Variants in ZBTB8B observed in about 807,000 individuals in gnomAD.
ZBTB8B encodes zinc finger and BTB domain containing 8B.
ZBTB8B carries 17 observed loss-of-function variants against 30.3 expected under a neutral mutation model. The ratio of observed to expected loss-of-function variants is 0.56; its 90% CI spans 0.38 to 0.84. The LOEUF (loss-of-function observed/expected upper bound fraction) is 0.84. ZBTB8B is among the 40% of genes least tolerant of loss of function. The probability of loss-of-function intolerance (pLI) is 0.00; values close to 1 mark genes in which losing one functional copy is unlikely to be tolerated. For missense variants in ZBTB8B, 515 were observed against 644.9 expected (o/e 0.80, Z 2.18); for synonymous variants, 248 against 255.6 (o/e 0.97, Z 0.28).
rs59559091 is a variant in ZBTB8B, at chr1:32,483,244, C to CAAAAAAAAAAA, written c.1171-1836_1171-1826dup. Reference sequence around the variant, plus strand: ...CGAAACCCCTTATCTACTAAAAATCCAAAAAAAAAAAAAAAAAAAAAAAAA... The same window carrying CAAAAAAAAAAA: ...CGAAACCCCTTATCTACTAAAAATCCAAAAAAAAAAAAAAAAAAAAAAAAAAAAAAAAAAAA... On this transcript the variant is annotated intron_variant, in intron 3 of 3. Transcript: ENST00000609129. 1.7e-3 allele frequency among the ~76,000 whole-genome samples: 96 copies of CAAAAAAAAAAA among 56,336 alleles called. 12 individuals are homozygous for CAAAAAAAAAAA. Among genetic ancestry groups the CAAAAAAAAAAA allele is most frequent in the East Asian group, 5.0e-3 (7 of 1,394 alleles). The allele number at this position is 56,336 out of a possible 152,430, so 37.0% of individuals were successfully genotyped here.
At position 32,495,718 on chromosome 1, in the gene ZBTB8B, C is replaced by A. The variant is rs1643812744; in HGVS notation, c.*10300C>A. 6.6e-6 allele frequency: 1 copy of A among 151,964 alleles called. No individual in the cohort carries two copies. The highest frequency in any genetic ancestry group is 1.5e-5 in the Non-Finnish European group (1 of 68,002). 9.4% of individuals were successfully genotyped at this position (151,964 alleles called of 1,614,324 possible). On this transcript the variant is annotated 3_prime_UTR_variant, in exon 4 of 4. Transcript: ENST00000609129. ...AAGGTTAAAATAGTTAAAACAGTTT[C>A]TTTAGAATGAGTTGTTAGCTGGGTG...
chr1:32,487,207 G>C lies in ZBTB8B; in HGVS notation c.*1789G>C, dbSNP rs1224158913. On this transcript the variant is annotated 3_prime_UTR_variant, in exon 4 of 4. Transcript: ENST00000609129. ...CTTGTAAATGTTAGCCAAAGCATTAGACAGGTGTTTAAGTCGTACTTCTCA... is the reference window on the plus strand; with the variant it reads ...CTTGTAAATGTTAGCCAAAGCATTACACAGGTGTTTAAGTCGTACTTCTCA... 6.6e-6 allele frequency: 1 copy of C among 152,146 alleles called. No homozygotes were observed. Among genetic ancestry groups the C allele is most frequent in the African/African-American group, 2.4e-5 (1 of 41,436 alleles). 9.4% of individuals were successfully genotyped at this position (152,146 alleles called of 1,614,324 possible). A position where few individuals can be genotyped will look rare whatever the true frequency, so the allele number is the denominator to read the frequency against.
Position 32,471,414 on chromosome 1 carries a change from AGC to A in ZBTB8B, c.792_793del (p.Ser264ArgfsTer5). 6.4e-7 allele frequency: 1 copy of A among 1,551,858 alleles called. No homozygotes were observed. The highest frequency in any genetic ancestry group is 8.7e-7 in the Non-Finnish European group (1 of 1,147,032). ...GGCCCACGTGGAGGAGGCCTTGCCAAGCGGCCAGGCGGTTGACTTGGCTTACA... is the reference window on the plus strand; with the variant it reads ...GGCCCACGTGGAGGAGGCCTTGCCAAGGCCAGGCGGTTGACTTGGCTTACA... ...NLAHVEEALPSGQAVDLAYSN... is the reference protein window; with the variant it reads ...NLAHVEEALPXGQAVDLAYSN... On this transcript the variant is annotated frameshift_variant, in exon 2 of 4. Transcript: ENST00000609129. LOFTEE classifies it high-confidence loss of function.
intron 1 of ZBTB8B, among the ~76,000 whole-genome samples, chr1:32,466,004 G>GCACT (rs1643567528): frequency 4.6e-5 from 7 of 152,138 alleles, no homozygotes; most frequent in Admixed American, 4.6e-4. Flanking sequence ...GTAGGATCGT[G>GCACT]CACTCCAACC....
In ZBTB8B at chr1:32,493,093, A is replaced by G. The variant is rs1643790203; in HGVS notation, c.*7675A>G. 1 of 152,178 alleles carries G rather than the reference A, an allele frequency of 6.6e-6. No homozygotes were observed. Among genetic ancestry groups the G allele is most frequent in the African/African-American group, 2.4e-5 (1 of 41,448 alleles). The allele number at this position is 152,178 out of a possible 1,614,324, so 9.4% of individuals were successfully genotyped here. ...TTTATTCAGTTATGCAAAAATATAT[A>G]CTATACATAGAATATCAGAATGTTG... On this transcript the variant is annotated 3_prime_UTR_variant, in exon 4 of 4. Coordinates refer to ENST00000609129, the MANE Select transcript of ZBTB8B (RefSeq NM_001145720.2).
Position 32,493,808 on chromosome 1 carries a change from C to G in ZBTB8B, c.*8390C>G, listed in dbSNP as rs777380186. The G allele has an allele frequency of 1.3e-5, 2 of 152,070 alleles. No individual in the cohort carries two copies. Among genetic ancestry groups the G allele is most frequent in the Non-Finnish European group, 2.9e-5 (2 of 68,004 alleles). 9.4% of individuals were successfully genotyped at this position (152,070 alleles called of 1,614,324 possible). On this transcript the variant is annotated 3_prime_UTR_variant, in exon 4 of 4. Transcript: ENST00000609129. ...ATGAAATGACAACAACAGATAACTT[C>G]CCATTATGTTGATCCAGTGTACTGT...
chr1:32,466,011 A>G (rs1450959875), intron 1 of ZBTB8B, among the ~76,000 whole-genome samples: 1 of 152,202 alleles, frequency 6.6e-6, no homozygotes, highest in Non-Finnish European at 1.5e-5. Flanking sequence ...CGTGCACTCC[A>G]ACCTGGGCAA....
intron 2 of ZBTB8B, among the ~76,000 whole-genome samples, chr1:32,472,974 C>A (rs1052514070): frequency 2.0e-5 from 3 of 152,212 alleles, no homozygotes; most frequent in Admixed American, 2.0e-4. Context: ...TTTTTACATC[C>A]TTTGGTGGGC....
chr1:32,468,203 G>A (rs1012075226), intron 1 of ZBTB8B, among the ~76,000 whole-genome samples: 1 of 152,020 alleles, frequency 6.6e-6, no homozygotes, highest in Non-Finnish European at 1.5e-5. Context: ...TTGGCTTCTG[G>A]CACTGCTTGA....
chr1:32,471,041 G>A lies in ZBTB8B; in HGVS notation c.417G>A (p.Ala139=), dbSNP rs1643614171. The A allele has an allele frequency of 2.6e-6, 4 of 1,550,008 alleles. No individual in the cohort carries two copies. The highest frequency in any genetic ancestry group is 3.5e-6 in the Non-Finnish European group (4 of 1,146,320). The change falls in exon 2 of 4, where the codon GCG becomes GCA. Residue 139 remains alanine, a synonymous_variant. Transcript: ENST00000609129. The part of the protein sequence containing the change: ...EKEAAVAAAV[A]AAAAAAAAAA... ...AGGCTGCTGTGGCTGCAGCAGTGGC[G>A]GCGGCAGCGGCGGCGGCTGCAGCGG...
rs1557684126 is a variant in ZBTB8B, at chr1:32,485,347, C to T, written c.1417C>T (p.Pro473Ser). ...IYVESGEEND[P>S]AGDDSDDKPQ... ...TGTGGAGTCGGGTGAGGAAAATGAC[C>T]CTGCTGGAGATGATTCTGATGACAA... Residue 473 changes from proline to serine, a missense_variant, in exon 4 of 4, where the codon CCT (proline) becomes TCT (serine). Transcript: ENST00000609129. The T allele has an allele frequency of 1.9e-6, 3 of 1,551,998 alleles. No homozygotes were observed. Among genetic ancestry groups the T allele is most frequent in the Non-Finnish European group, 2.6e-6 (3 of 1,147,110 alleles).
chr1:32,466,082 C>T (rs1302162827), intron 1 of ZBTB8B, among the ~76,000 whole-genome samples: 1 of 152,116 alleles, frequency 6.6e-6, no homozygotes, highest in Non-Finnish European at 1.5e-5. Flanking sequence ...TATGCTTGTA[C>T]TTTGTACAGT....
intron 3 of ZBTB8B, among the ~76,000 whole-genome samples, chr1:32,482,792 A>C (rs1019012653): frequency 1.7e-4 from 26 of 151,986 alleles, no homozygotes; most frequent in Admixed American, 1.2e-3. Context: ...GCAATAGTAA[A>C]AGGATGAATA....
chr1:32,481,135 T>A (rs1570261021), intron 3 of ZBTB8B, 66 bp downstream of exon 3: 1 of 1,400,238 alleles, frequency 7.1e-7, no homozygotes, highest in Non-Finnish European at 9.5e-7. Flanking sequence ...AATGGAAGGG[T>A]GAAGCCAGCC....
rs562127783 is a variant in ZBTB8B, at chr1:32,487,937, A to G, written c.*2519A>G. Reference sequence around the variant, plus strand: ...GGACCAGAGATATTTGTCTTATCTGAAATAAAAATACTAGCTGTGGCCAGG... The same window carrying G: ...GGACCAGAGATATTTGTCTTATCTGGAATAAAAATACTAGCTGTGGCCAGG... On this transcript the variant is annotated 3_prime_UTR_variant, in exon 4 of 4. Coordinates refer to ENST00000609129, the MANE Select transcript of ZBTB8B (RefSeq NM_001145720.2). 2 of 151,800 alleles carry G rather than the reference A, an allele frequency of 1.3e-5. No homozygotes were observed. Among genetic ancestry groups the G allele is most frequent in the African/African-American group, 4.8e-5 (2 of 41,412 alleles). 9.4% of individuals were successfully genotyped at this position (151,800 alleles called of 1,614,324 possible).
In ZBTB8B at chr1:32,485,840, C is replaced by G. The variant is rs1643741122; in HGVS notation, c.*422C>G. 3 of 168,078 alleles carry G rather than the reference C, an allele frequency of 1.8e-5. No individual in the cohort carries two copies. The highest frequency in any genetic ancestry group is 1.5e-4 in the South Asian group (1 of 6,706). The allele number at this position is 168,078 out of a possible 1,614,324, so 10.4% of individuals were successfully genotyped here. A position where few individuals can be genotyped will look rare whatever the true frequency, so the allele number is the denominator to read the frequency against. ...TGGGATCAAGTTTACCTTTGCCAAGCCTTTCCTAATGAATTCCACATTAAA... is the reference window on the plus strand; with the variant it reads ...TGGGATCAAGTTTACCTTTGCCAAGGCTTTCCTAATGAATTCCACATTAAA... On this transcript the variant is annotated 3_prime_UTR_variant, in exon 4 of 4. Coordinates refer to ENST00000609129, the MANE Select transcript of ZBTB8B (RefSeq NM_001145720.2).
Position 32,486,835 on chromosome 1 carries a change from A to G in ZBTB8B, c.*1417A>G, listed in dbSNP as rs898538606. ...GTATAAGCCCATAATGCCAAGTAAC[A>G]TTTCTAAAATGTTCATCTTTTAAAA... is the stretch of plus-strand genomic sequence containing the variant. On this transcript the variant is annotated 3_prime_UTR_variant, in exon 4 of 4. Coordinates refer to ENST00000609129, the MANE Select transcript of ZBTB8B (RefSeq NM_001145720.2). 4 of 152,280 alleles carry G rather than the reference A, an allele frequency of 2.6e-5. No individual in the cohort carries two copies. The highest frequency in any genetic ancestry group is 2.1e-4 in the South Asian group (1 of 4,828). The allele number at this position is 152,280 out of a possible 1,614,324, so 9.4% of individuals were successfully genotyped here. A position where few individuals can be genotyped will look rare whatever the true frequency, so the allele number is the denominator to read the frequency against.
Position 32,486,825 on chromosome 1 carries a change from G to A in ZBTB8B, c.*1407G>A, listed in dbSNP as rs1283966732. 6.6e-6 allele frequency: 1 copy of A among 152,080 alleles called. No homozygotes were observed. Among genetic ancestry groups the A allele is most frequent in the Non-Finnish European group, 1.5e-5 (1 of 68,030 alleles). 9.4% of individuals were successfully genotyped at this position (152,080 alleles called of 1,614,324 possible). On this transcript the variant is annotated 3_prime_UTR_variant, in exon 4 of 4. Transcript: ENST00000609129. ...TGGAGGGAAAGTATAAGCCCATAAT[G>A]CCAAGTAACATTTCTAAAATGTTCA... is the stretch of plus-strand genomic sequence containing the variant.
At chr1:32,468,867 A>G (rs2148179621) in intron 1 of ZBTB8B, among the ~76,000 whole-genome samples, 1 of 151,860 alleles carries the variant, frequency 6.6e-6, no homozygotes, top group African/African-American at 2.4e-5. Flanking sequence ...TCTCAAAAAA[A>G]AAAAAAGACC....
Sources: gnomAD v4.1 joint callset for allele counts (sites outside exome capture counted in the v4.1 genomes callset) on GRCh38, gnomAD v4.1.1 for gene constraint, MANE v1.5 for transcripts, NCBI Gene and HGNC (gene_info 2026-07-23, HGNC 2026-07-21) for gene names.